Variants in CREB5 observed in about 807,000 individuals in gnomAD.
CREB5 encodes the protein cAMP responsive element binding protein 5, also known as cyclic AMP-responsive element-binding protein 5.
Under a neutral mutation model 57.1 loss-of-function variants are expected in CREB5, and 19 were observed. The observed-to-expected ratio is 0.33, with a 90% CI of 0.23 to 0.49. CREB5 has a LOEUF of 0.49. CREB5 is among the 20% of genes least tolerant of loss of function. The pLI is 0.99. For synonymous variants in CREB5, 238 were observed against 238.3 expected (o/e 1.00, Z 0.01); for missense variants, 579 against 671.6 (o/e 0.86, Z 1.52).
chr7:28,328,252 C>T (rs1453711106), intron 1 of CREB5, among the ~76,000 whole-genome samples: 1 of 152,186 alleles, frequency 6.6e-6, no homozygotes, highest in Non-Finnish European at 1.5e-5. Context: ...TTTAGCCTCC[C>T]TTCTTAGTAA....
chr7:28,329,874 AAACCAAACC>A (rs1178475546), intron 1 of CREB5, among the ~76,000 whole-genome samples: 4 of 152,270 alleles, frequency 2.6e-5, no homozygotes, highest in Non-Finnish European at 5.9e-5. Context: ...CAGAGAAGTA[AAACCAAACC>A]AAACAATTCC....
chr7:28,482,093 T>C (rs1032392720), intron 1 of CREB5, among the ~76,000 whole-genome samples: 1 of 152,252 alleles, frequency 6.6e-6, no homozygotes, highest in Non-Finnish European at 1.5e-5. Context: ...CCTCTTTGAA[T>C]GGTCCTGTTC....
intron 1 of CREB5, among the ~76,000 whole-genome samples, chr7:28,471,266 G>A (rs988383107): frequency 2.0e-5 from 3 of 152,032 alleles, no homozygotes; most frequent in Non-Finnish European, 4.4e-5. Flanking sequence ...GAGAGATGGG[G>A]GTCTAGTTTC....
intron 5 of CREB5, among the ~76,000 whole-genome samples, chr7:28,698,114 AG>A (rs1241619263): frequency 6.6e-6 from 1 of 152,166 alleles, no homozygotes; most frequent in African/African-American, 2.4e-5. Flanking sequence ...TTAAGAATTA[AG>A]GGGGGAAAGT....
chr7:28,352,880 A>G (rs1387812522), intron 1 of CREB5, among the ~76,000 whole-genome samples: 2 of 152,198 alleles, frequency 1.3e-5, no homozygotes, highest in African/African-American at 4.8e-5. Flanking sequence ...TAATAAGTGG[A>G]AAGCTAGGGT....
chr7:28,547,492 A>G (rs566622723), intron 4 of CREB5, among the ~76,000 whole-genome samples: 24 of 152,160 alleles, frequency 1.6e-4, no homozygotes, highest in African/African-American at 5.8e-4. Flanking sequence ...TCTTTGGGAA[A>G]CCTCAGTCTT....
intron 4 of CREB5, among the ~76,000 whole-genome samples, chr7:28,544,325 C>T (rs1225124639): frequency 6.6e-6 from 1 of 152,160 alleles, no homozygotes; most frequent in African/African-American, 2.4e-5. Context: ...AGGCTGGCTA[C>T]GTGAGGCTGT....
At position 28,825,773 on chromosome 7, in the gene CREB5, AC is replaced by A. The variant is rs1195797123; in HGVS notation, c.*6495del. The A allele has an allele frequency of 6.6e-6, 1 of 152,654 alleles. No individual in the cohort carries two copies. Among genetic ancestry groups the A allele is most frequent in the African/African-American group, 2.4e-5 (1 of 41,456 alleles). 9.5% of individuals were successfully genotyped at this position (152,654 alleles called of 1,614,324 possible). A position where few individuals can be genotyped will look rare whatever the true frequency, so the allele number is the denominator to read the frequency against. On this transcript the variant is annotated 3_prime_UTR_variant, in exon 11 of 11. Transcript: ENST00000357727. ...ACCAATGGACAATGAGTTCATTAAG[AC>A]TGTTCAACTAGGTCAGATTTTTACA...
chr7:28,753,807 T>C (rs113895335), intron 7 of CREB5, among the ~76,000 whole-genome samples: 1,640 of 152,290 alleles, frequency 0.011, 30 homozygotes, highest in South Asian at 0.051. Context: ...ATTCAATATC[T>C]AGCTTTTCCA....
chr7:28,433,487 G>A (rs1583456246), intron 1 of CREB5, among the ~76,000 whole-genome samples: 3 of 151,780 alleles, frequency 2.0e-5, no homozygotes, highest in Non-Finnish European at 4.4e-5. Context: ...TTAATATTTT[G>A]CCTATCAAAA....
intron 1 of CREB5, among the ~76,000 whole-genome samples, chr7:28,378,456 TA>T (rs1786891862): frequency 6.6e-6 from 1 of 152,220 alleles, no homozygotes; most frequent in South Asian, 2.1e-4. Context: ...AAACTCTTTT[TA>T]ATTTTAGTCT....
chr7:28,363,969 T>C (rs1786537076), intron 1 of CREB5, among the ~76,000 whole-genome samples: 2 of 152,156 alleles, frequency 1.3e-5, no homozygotes, highest in Admixed American at 6.5e-5. Context: ...ACAAGAGCAG[T>C]GTTTGTAGTA....
At chr7:28,592,699 G>T (rs983866705) in intron 5 of CREB5, among the ~76,000 whole-genome samples, 1 of 152,062 alleles carries the variant, frequency 6.6e-6, no homozygotes, top group East Asian at 1.9e-4. Context: ...CAAGTGCCGT[G>T]GCCTGTTCTT....
intron 1 of CREB5, among the ~76,000 whole-genome samples, chr7:28,310,824 A>G (rs546143873): frequency 1.4e-3 from 206 of 152,332 alleles, no homozygotes; most frequent in African/African-American, 4.9e-3. Context: ...GAAGAATTAC[A>G]AAATCATTAT....
At chr7:28,493,065 T>C (rs1412111406) in intron 2 of CREB5, among the ~76,000 whole-genome samples, 1 of 152,250 alleles carries the variant, frequency 6.6e-6, no homozygotes, top group Non-Finnish European at 1.5e-5. Flanking sequence ...GTGATATTTA[T>C]TCAGAGAGCT....
At chr7:28,548,678 G>C (rs1794508709) in intron 4 of CREB5, among the ~76,000 whole-genome samples, 1 of 152,122 alleles carries the variant, frequency 6.6e-6, no homozygotes, top group Admixed American at 6.6e-5. Context: ...ACTGACCTTT[G>C]GAAAACATAG....
At chr7:28,306,555 G>GTTTTTTTTTTTTTTTTTTT (rs869277871) in intron 1 of CREB5, among the ~76,000 whole-genome samples, 2 of 58,086 alleles carry the variant, frequency 3.4e-5, no homozygotes, top group African/African-American at 1.3e-4. Context: ...TGTTTTTTTT[G>GTTTTTTTTTTTTTTTTTTT]TTTTTTTTTT....
chr7:28,433,656 T>C (rs1319383732), intron 1 of CREB5, among the ~76,000 whole-genome samples: 1 of 152,082 alleles, frequency 6.6e-6, no homozygotes, highest in Non-Finnish European at 1.5e-5. Context: ...ATCTTTTTAT[T>C]CTGGAAAGGA....
intron 5 of CREB5, among the ~76,000 whole-genome samples, chr7:28,683,991 G>A (rs1800724750): frequency 6.6e-6 from 1 of 151,508 alleles, no homozygotes; most frequent in African/African-American, 2.4e-5. Context: ...AAACTAAAGT[G>A]GGGAGGGGAG....
Sources: gnomAD v4.1 joint callset for allele counts (sites outside exome capture counted in the v4.1 genomes callset) on GRCh38, gnomAD v4.1.1 for gene constraint, MANE v1.5 for transcripts, NCBI Gene and HGNC (gene_info 2026-07-23, HGNC 2026-07-21) for gene names.